Variants in ZNF728 observed in about 807,000 individuals in gnomAD.
The protein encoded by ZNF728 is zinc finger protein 728.
Under a neutral mutation model 12.5 loss-of-function variants are expected in ZNF728, and 12 were observed. The observed-to-expected ratio is 0.96, with a 90% CI of 0.61 to 1.55. The LOEUF (loss-of-function observed/expected upper bound fraction) is 1.55. Among genes scored for constraint, ZNF728 ranks in the 40% most tolerant of loss-of-function variants. The probability of loss-of-function intolerance (pLI) is 0.00; values close to 1 mark genes in which losing one functional copy is unlikely to be tolerated. For synonymous variants in ZNF728, 205 were observed against 240.7 expected (o/e 0.85, Z 1.37); for missense variants, 692 against 719.2 (o/e 0.96, Z 0.43).
intron 1 of ZNF728, among the ~76,000 whole-genome samples, chr19:23,000,688 C>T (rs1366842876): frequency 6.6e-6 from 1 of 151,502 alleles, no homozygotes; most frequent in Admixed American, 6.6e-5. Flanking sequence ...GTCAACATGG[C>T]AAACCCCCAT....
chr19:22,989,329 A>G (rs1968958239), intron 1 of ZNF728, among the ~76,000 whole-genome samples: 1 of 152,110 alleles, frequency 6.6e-6, no homozygotes, highest in Non-Finnish European at 1.5e-5. Flanking sequence ...AATACCCAGT[A>G]ATTGAATGAG....
At chr19:22,996,061 A>G (rs1034278356) in intron 1 of ZNF728, among the ~76,000 whole-genome samples, 6 of 152,166 alleles carry the variant, frequency 3.9e-5, no homozygotes, top group African/African-American at 1.2e-4. Context: ...TGTCAGACTA[A>G]TATCTACTGC....
At chr19:22,987,622 A>C (rs1417522275) in intron 2 of ZNF728, among the ~76,000 whole-genome samples, 1 of 152,216 alleles carries the variant, frequency 6.6e-6, no homozygotes, top group East Asian at 1.9e-4. Context: ...GGTGGTGGAA[A>C]TTAGATTTTA....
intron 3 of ZNF728, among the ~76,000 whole-genome samples, chr19:22,981,544 T>G (rs1968861224): frequency 6.6e-6 from 1 of 152,194 alleles, no homozygotes; most frequent in African/African-American, 2.4e-5. Flanking sequence ...AGCATCATCC[T>G]GATACAAAAA....
chr19:23,002,457 G>A (rs73025578), intron 1 of ZNF728, among the ~76,000 whole-genome samples: 8,550 of 152,190 alleles, frequency 0.056, 305 homozygotes, highest in Middle Eastern at 0.085. Flanking sequence ...AAGAAACTAC[G>A]TAACTGTACC....
chr19:22,992,936 TG>T (rs1412340709), intron 1 of ZNF728, among the ~76,000 whole-genome samples: 1 of 152,172 alleles, frequency 6.6e-6, no homozygotes, highest in African/African-American at 2.4e-5. Context: ...GGAACTGCCT[TG>T]GTTGAACTCC....
rs1207844012 is a variant in ZNF728, at chr19:22,976,168, T to C, written c.1169A>G (p.His390Arg). ...PSSLTEHKRI[H>R]AGDKPYKCEE... is the part of the protein sequence containing the mutation. ...ACATTTGTAAGGTTTGTCTCCAGCA[T>C]GAATTCTCTTGTGTTCAGTAAGGCT... The change falls in exon 4 of 4, where the codon CAT (histidine) becomes CGT (arginine). Residue 390 changes from histidine (H) to arginine (R), a missense_variant. By Grantham distance (29) the His-to-Arg change is conservative. Coordinates refer to ENST00000594710, the MANE Select transcript of ZNF728 (RefSeq NM_001267716.2). 1.9e-6 allele frequency: 3 copies of C among 1,613,646 alleles called. No homozygotes were observed. Among genetic ancestry groups the C allele is most frequent in the East Asian group, 2.2e-5 (1 of 44,850 alleles).
At position 22,975,865 on chromosome 19, in the gene ZNF728, C is replaced by T. The variant is rs754617383; in HGVS notation, c.1472G>A (p.Trp491Ter). ...CTTATGTTCCATAAGGTTTGAGGAC[C>T]ACTTAAAGGCTTTGCCACATTCTTC... ...KCEECGKAFK[W>*]SSNLMEHKRI... The change falls in exon 4 of 4, where the codon TGG (tryptophan) becomes TAG (stop). Residue 491 changes from tryptophan (W) to a stop codon, truncating the protein, a stop_gained. Coordinates refer to ENST00000594710, the MANE Select transcript of ZNF728 (RefSeq NM_001267716.2). LOFTEE classifies it low-confidence loss of function (END_TRUNC). 1 of 1,609,764 alleles carries T rather than the reference C, an allele frequency of 6.2e-7. No individual in the cohort carries two copies. The highest frequency in any genetic ancestry group is 1.7e-5 in the Admixed American group (1 of 59,716).
Position 22,976,274 on chromosome 19 carries a change from G to A in ZNF728, c.1063C>T (p.Leu355Phe). 2 of 1,612,966 alleles carry A rather than the reference G, an allele frequency of 1.2e-6. No homozygotes were observed. The highest frequency in any genetic ancestry group is 1.1e-5 in the South Asian group (1 of 91,032). Reference sequence around the variant, plus strand: ...GTATGAATTACCTTATGTTTAGTAAGGGTTGAGAAGTTACCAAAGGCTTTG... The same window carrying A: ...GTATGAATTACCTTATGTTTAGTAAAGGTTGAGAAGTTACCAAAGGCTTTG... Reference protein sequence around the residue: ...CGKAFGNFSTLTKHKVIHTGE... With the variant: ...CGKAFGNFSTFTKHKVIHTGE... Residue 355 changes from leucine (L) to phenylalanine (F), a missense_variant, in exon 4 of 4, where the codon CTT becomes TTT. Transcript: ENST00000594710.
At chr19:22,984,577 TACACACACACACACACAC>T (rs57794293) in intron 3 of ZNF728, among the ~76,000 whole-genome samples, 11 of 109,250 alleles carry the variant, frequency 1.0e-4, no homozygotes, top group African/African-American at 3.0e-4. Flanking sequence ...AAAAAAAAAA[TACACACACACACACACAC>T]ACACACACAC....
intron 3 of ZNF728, among the ~76,000 whole-genome samples, chr19:22,977,939 T>A (rs561037228): frequency 1.3e-5 from 2 of 151,988 alleles, no homozygotes; most frequent in African/African-American, 4.8e-5. Context: ...ATTTTAAAGA[T>A]TGAATAATAC....
chr19:22,991,872 C>T (rs1207706285), intron 1 of ZNF728, among the ~76,000 whole-genome samples: 2 of 152,132 alleles, frequency 1.3e-5, no homozygotes, highest in African/African-American at 4.8e-5. Context: ...TTTGTTAAAG[C>T]TTACTTAAGT....
chr19:22,984,476 T>G (rs1167640105), intron 3 of ZNF728, among the ~76,000 whole-genome samples: 1 of 150,884 alleles, frequency 6.6e-6, no homozygotes. Context: ...AAGGAATCGC[T>G]TGAACCCGGG....
intron 2 of ZNF728, 25 bp from the exon 3 acceptor site, chr19:22,987,428 T>C (rs756722285): frequency 1.3e-6 from 2 of 1,578,608 alleles, no homozygotes; most frequent in Admixed American, 1.8e-5. Flanking sequence ...ATGAGTAACA[T>C]GCATCTTGCT....
chr19:22,987,902 T>C (rs529866253), intron 2 of ZNF728, among the ~76,000 whole-genome samples: 18 of 152,346 alleles, frequency 1.2e-4, no homozygotes, highest in African/African-American at 4.1e-4. Context: ...CTGGAGGCTA[T>C]ATGATCAAAC....
chr19:22,984,577 TACACACACAC>T (rs57794293), intron 3 of ZNF728, among the ~76,000 whole-genome samples: 1,573 of 109,236 alleles, frequency 0.014, 29 homozygotes, highest in African/African-American at 0.047. Context: ...AAAAAAAAAA[TACACACACAC>T]ACACACACAC....
chr19:22,994,465 A>C (rs1351053029), intron 1 of ZNF728, among the ~76,000 whole-genome samples: 1 of 152,242 alleles, frequency 6.6e-6, no homozygotes, highest in Non-Finnish European at 1.5e-5. Context: ...GTTTTATTAC[A>C]CAATTACATG....
At chr19:22,988,137 T>A (rs1213463500) in intron 2 of ZNF728, among the ~76,000 whole-genome samples, 188 bp downstream of exon 2, 2 of 152,002 alleles carry the variant, frequency 1.3e-5, no homozygotes, top group East Asian at 3.9e-4. Context: ...TCAATAAATA[T>A]GAAGGGCTAT....
intron 3 of ZNF728, among the ~76,000 whole-genome samples, chr19:22,979,799 A>C (rs1018736338): frequency 7.9e-5 from 12 of 152,208 alleles, no homozygotes; most frequent in Admixed American, 6.5e-4. Context: ...TCCTTTACAG[A>C]CAAGCAAATG....
Sources: gnomAD v4.1 joint callset for allele counts (sites outside exome capture counted in the v4.1 genomes callset) on GRCh38, gnomAD v4.1.1 for gene constraint, MANE v1.5 for transcripts, NCBI Gene and HGNC (gene_info 2026-07-23, HGNC 2026-07-21) for gene names.